Variants in CSMD1 observed in about 807,000 individuals in gnomAD.
CSMD1 encodes CUB and sushi domain-containing protein 1.
CSMD1 carries 213 observed loss-of-function variants against 417.5 expected under a neutral mutation model. That is an observed-to-expected ratio of 0.51 (90% CI 0.46 to 0.57). The LOEUF (loss-of-function observed/expected upper bound fraction) is 0.57, where lower values mean the gene tolerates loss of function less well. Among genes scored for constraint, CSMD1 ranks in the 20% least tolerant of loss-of-function variants. The probability of loss-of-function intolerance (pLI) is 0.00; values close to 1 mark genes in which losing one functional copy is unlikely to be tolerated. For missense variants in CSMD1, 6,923 were observed against 4,529.7 expected, an observed-to-expected ratio of 1.53 and a Z score of -15.17; for synonymous variants, 2,862 against 1,736.8, an observed-to-expected ratio of 1.65 and a Z score of -16.11.
At chr8:4,226,106 A>G (rs1473349093) in intron 3 of CSMD1, among the ~76,000 whole-genome samples, 1 of 145,338 alleles carries the variant, frequency 6.9e-6, no homozygotes, top group Non-Finnish European at 1.5e-5. Flanking sequence ...ACACACACAC[A>G]CGCCAACACA....
chr8:4,909,535 G>C (rs1296186259), intron 1 of CSMD1, among the ~76,000 whole-genome samples: 3 of 152,084 alleles, frequency 2.0e-5, no homozygotes, highest in Non-Finnish European at 4.4e-5. Context: ...GAAGGATCTA[G>C]GATACTTCAC....
intron 1 of CSMD1, among the ~76,000 whole-genome samples, chr8:4,708,225 C>T (rs1808074633): frequency 6.6e-6 from 1 of 152,184 alleles, no homozygotes; most frequent in Admixed American, 6.5e-5. Context: ...GCTGAGATTA[C>T]AGGCATGAGC....
chr8:3,915,139 T>C (rs1002543939), intron 5 of CSMD1, among the ~76,000 whole-genome samples: 1 of 151,898 alleles, frequency 6.6e-6, no homozygotes, highest in African/African-American at 2.4e-5. Flanking sequence ...GGAGTAGTAG[T>C]TCACGCCTGT....
intron 3 of CSMD1, among the ~76,000 whole-genome samples, chr8:4,278,308 G>A (rs924695316): frequency 2.0e-5 from 3 of 152,150 alleles, no homozygotes; most frequent in Non-Finnish European, 2.9e-5. Context: ...AAACACAGCG[G>A]TAGTGCTGGT....
chr8:4,815,359 A>G (rs756382384), intron 1 of CSMD1, among the ~76,000 whole-genome samples: 1 of 152,192 alleles, frequency 6.6e-6, no homozygotes, highest in Non-Finnish European at 1.5e-5. Flanking sequence ...GGACAGAGCC[A>G]GCTTGTGGAC....
intron 1 of CSMD1, among the ~76,000 whole-genome samples, chr8:4,908,784 T>G (rs1805472968): frequency 6.6e-6 from 1 of 152,190 alleles, no homozygotes; most frequent in African/African-American, 2.4e-5. Context: ...CTTGCATAGC[T>G]TATCTGCTCT....
chr8:4,694,041 G>T (rs545679956), intron 1 of CSMD1, among the ~76,000 whole-genome samples: 3 of 152,276 alleles, frequency 2.0e-5, no homozygotes, highest in East Asian at 3.9e-4. Flanking sequence ...GTCAAGCTGG[G>T]AACTGCTTAG....
chr8:4,030,045 T>C (rs1035467549), intron 4 of CSMD1, among the ~76,000 whole-genome samples: 4 of 152,296 alleles, frequency 2.6e-5, no homozygotes, highest in South Asian at 2.1e-4. Context: ...CTTGGGCAGG[T>C]GTACCCCTGT....
At chr8:3,460,539 A>G (rs1816431885) in intron 12 of CSMD1, among the ~76,000 whole-genome samples, 1 of 152,050 alleles carries the variant, frequency 6.6e-6, no homozygotes, top group South Asian at 2.1e-4. Flanking sequence ...GCGGGGAGAA[A>G]TGAAGTTTCG....
intron 1 of CSMD1, among the ~76,000 whole-genome samples, chr8:4,893,506 C>T (rs1045656781): frequency 2.6e-5 from 4 of 152,120 alleles, no homozygotes; most frequent in Non-Finnish European, 4.4e-5. Flanking sequence ...TAAAAATGCA[C>T]ATTTTAATTT....
intron 15 of CSMD1, among the ~76,000 whole-genome samples, chr8:3,402,259 CT>C (rs916057001): frequency 3.3e-5 from 5 of 151,940 alleles, no homozygotes; most frequent in African/African-American, 1.2e-4. Context: ...AATCCTTAAT[CT>C]TTTTTTTCAA....
chr8:4,463,983 G>A (rs1459637306), intron 2 of CSMD1, among the ~76,000 whole-genome samples: 2 of 152,018 alleles, frequency 1.3e-5, no homozygotes, highest in African/African-American at 4.8e-5. Context: ...ATTCCATTTA[G>A]CTATAAGTCT....
At chr8:4,356,448 C>G (rs528194365) in intron 3 of CSMD1, among the ~76,000 whole-genome samples, 34 of 152,212 alleles carry the variant, frequency 2.2e-4, no homozygotes, top group African/African-American at 3.1e-4. Flanking sequence ...GTACAAGTAT[C>G]CTTTTCGTGT....
At chr8:4,923,675 C>T (rs184629355) in intron 1 of CSMD1, among the ~76,000 whole-genome samples, 5 of 152,204 alleles carry the variant, frequency 3.3e-5, no homozygotes, top group Admixed American at 1.3e-4. Context: ...GTATACCTAT[C>T]CACGGAGAGC....
intron 1 of CSMD1, among the ~76,000 whole-genome samples, chr8:4,748,622 A>G (rs1811107607): frequency 1.3e-5 from 2 of 152,210 alleles, no homozygotes; most frequent in African/African-American, 2.4e-5. Context: ...TTCATTCTAA[A>G]TTATTTATTG....
intron 51 of CSMD1, among the ~76,000 whole-genome samples, chr8:3,027,683 CAT>C (rs1024420496): frequency 2.6e-5 from 4 of 152,140 alleles, no homozygotes; most frequent in African/African-American, 7.2e-5. Flanking sequence ...GACACCTAGA[CAT>C]GTGATGATAA....
chr8:3,841,509 G>C (rs1213020782), intron 5 of CSMD1, among the ~76,000 whole-genome samples: 2 of 152,070 alleles, frequency 1.3e-5, no homozygotes, highest in South Asian at 2.1e-4. Flanking sequence ...TCTATGATTT[G>C]TGGGGATGTC....
chr8:4,713,196 A>G (rs1293842220), intron 1 of CSMD1, among the ~76,000 whole-genome samples: 2 of 152,202 alleles, frequency 1.3e-5, no homozygotes, highest in Non-Finnish European at 2.9e-5. Context: ...ATTATCAACC[A>G]TTAACACTTT....
chr8:3,975,654 T>A (rs957683862), intron 5 of CSMD1, among the ~76,000 whole-genome samples: 23 of 152,158 alleles, frequency 1.5e-4, no homozygotes, highest in African/African-American at 4.8e-4. Flanking sequence ...CAGTGCTTAA[T>A]GGTCCCGATT....
Sources: allele counts gnomAD v4.1 joint callset (sites outside exome capture counted in the v4.1 genomes callset), GRCh38; gene constraint gnomAD v4.1.1; transcripts MANE v1.5; gene names NCBI Gene and HGNC (gene_info 2026-07-23, HGNC 2026-07-21).